CDC42BPA: variants seen among roughly 807,000 people sequenced by gnomAD.
CDC42BPA encodes CDC42 binding protein kinase alpha.
CDC42BPA carries 80 observed loss-of-function variants against 223.5 expected under a neutral mutation model. The observed-to-expected ratio is 0.36, with a 90% confidence interval of 0.30 to 0.43. CDC42BPA has a LOEUF of 0.43. Ranked by LOEUF, CDC42BPA falls within the 20% of genes least tolerant of loss-of-function variation. The probability of loss-of-function intolerance (pLI) is 1.00; values close to 1 mark genes in which losing one functional copy is unlikely to be tolerated. For synonymous variants in CDC42BPA, 694 were observed against 718.6 expected (o/e 0.97, Z 0.55); for missense variants, 1,743 against 2,099.9 (o/e 0.83, Z 3.32).
At chr1:227,212,105 TA>T (rs1269746469) in intron 3 of CDC42BPA, among the ~76,000 whole-genome samples, 27 of 146,800 alleles carry the variant, frequency 1.8e-4, no homozygotes, top group South Asian at 2.2e-4. Context: ...TTTTTTAGTT[TA>T]AAAAAAAAAA....
intron 17 of CDC42BPA, among the ~76,000 whole-genome samples, chr1:227,075,950 T>A (rs1161927368): frequency 6.6e-6 from 1 of 152,334 alleles, no homozygotes; most frequent in African/African-American, 2.4e-5. Flanking sequence ...GAATTTTATA[T>A]GACAATCTCT....
chr1:227,139,441 G>C, intron 10 of CDC42BPA, 135 bp downstream of exon 10: 2 of 560,216 alleles, frequency 3.6e-6, no homozygotes, highest in South Asian at 5.8e-5. Flanking sequence ...GCTGTGTTCT[G>C]CATACATCTC....
chr1:227,068,224 A>C (rs1006052155), intron 21 of CDC42BPA, among the ~76,000 whole-genome samples: 2 of 151,828 alleles, frequency 1.3e-5, no homozygotes, highest in Non-Finnish European at 2.9e-5. Context: ...GAAATTAATT[A>C]AAAGTAATTT....
intron 2 of CDC42BPA, among the ~76,000 whole-genome samples, chr1:227,241,391 G>A (rs1489350829): frequency 2.0e-5 from 3 of 152,012 alleles, no homozygotes; most frequent in African/African-American, 7.2e-5. Context: ...ACCTGTAGGA[G>A]AATATTCATA....
chr1:227,041,296 C>T (rs191683928), intron 23 of CDC42BPA, among the ~76,000 whole-genome samples: 2 of 152,210 alleles, frequency 1.3e-5, no homozygotes, highest in African/African-American at 2.4e-5. Context: ...TGGCACCCCT[C>T]CCTCCTTCCC....
At chr1:227,132,950 A>C (rs1657545085) in intron 10 of CDC42BPA, among the ~76,000 whole-genome samples, 1 of 141,356 alleles carries the variant, frequency 7.1e-6, no homozygotes, top group African/African-American at 2.7e-5. Context: ...GCCCTGTCTG[A>C]GAAGTGAGGA....
chr1:227,312,397 ATT>A, intron 1 of CDC42BPA, among the ~76,000 whole-genome samples: 1 of 152,232 alleles, frequency 6.6e-6, no homozygotes, highest in African/African-American at 2.4e-5. Flanking sequence ...AGTCCTAGGA[ATT>A]ATGGGACATT....
chr1:227,113,465 A>G (rs1687260063), intron 12 of CDC42BPA, among the ~76,000 whole-genome samples: 1 of 152,220 alleles, frequency 6.6e-6, no homozygotes, highest in Non-Finnish European at 1.5e-5. Context: ...CATATTAAGA[A>G]CAAACAAGAA....
At chr1:227,129,862 C>T (rs1228167658) in intron 10 of CDC42BPA, among the ~76,000 whole-genome samples, 3 of 151,720 alleles carry the variant, frequency 2.0e-5, no homozygotes, top group African/African-American at 7.3e-5. Flanking sequence ...AGATGCTATA[C>T]GAAGAACTGA....
chr1:227,302,376 C>A (rs2148743487), intron 1 of CDC42BPA, among the ~76,000 whole-genome samples: 1 of 152,270 alleles, frequency 6.6e-6, no homozygotes. Context: ...CTTATCCCGC[C>A]CTCATACTTA....
intron 14 of CDC42BPA, among the ~76,000 whole-genome samples, chr1:227,106,532 G>A (rs1382790679): frequency 6.6e-6 from 1 of 151,922 alleles, no homozygotes; most frequent in African/African-American, 2.4e-5. Context: ...TTTTTTGTCT[G>A]GCTCTGGTAT....
intron 34 of CDC42BPA, among the ~76,000 whole-genome samples, chr1:227,009,402 GA>G (rs1395031632): frequency 1.3e-5 from 2 of 151,970 alleles, no homozygotes; most frequent in East Asian, 1.9e-4. Flanking sequence ...TCTTTTATAT[GA>G]AAAGTTATTA....
intron 28 of CDC42BPA, 36 bp downstream of exon 28, chr1:227,031,262 A>AATG (rs770615346): frequency 1.3e-6 from 2 of 1,513,922 alleles, no homozygotes; most frequent in Non-Finnish European, 1.8e-6. Flanking sequence ...ATTAGTAAAC[A>AATG]ATGATAATAA....
At chr1:227,043,219 C>T (rs1671745142) in intron 23 of CDC42BPA, among the ~76,000 whole-genome samples, 1 of 152,046 alleles carries the variant, frequency 6.6e-6, no homozygotes, top group Admixed American at 6.6e-5. Context: ...TCGAGACCAT[C>T]CCAGCCAACA....
chr1:227,240,198 C>G (rs990783752), intron 2 of CDC42BPA, among the ~76,000 whole-genome samples: 1 of 151,880 alleles, frequency 6.6e-6, no homozygotes, highest in African/African-American at 2.4e-5. Flanking sequence ...AACTTAAATA[C>G]TTAGGAATAA....
At chr1:227,202,109 A>C (rs12408913) in intron 3 of CDC42BPA, among the ~76,000 whole-genome samples, 14,946 of 152,134 alleles carry the variant, frequency 0.098, 869 homozygotes, top group Middle Eastern at 0.17. Context: ...TAGCCTCCTG[A>C]GTAGCTGGGA....
intron 23 of CDC42BPA, among the ~76,000 whole-genome samples, chr1:227,046,026 G>C (rs902730469): frequency 2.6e-5 from 4 of 151,960 alleles, no homozygotes; most frequent in Non-Finnish European, 2.9e-5. Context: ...GGTAGGTCTC[G>C]AACTCCTGGG....
chr1:227,151,075 T>C (rs1661663274), intron 6 of CDC42BPA, among the ~76,000 whole-genome samples: 3 of 152,258 alleles, frequency 2.0e-5, no homozygotes, highest in African/African-American at 7.2e-5. Context: ...CTTCACACTG[T>C]TGTGCAACCA....
At chr1:227,233,254 G>T (rs1248046352) in intron 2 of CDC42BPA, among the ~76,000 whole-genome samples, 1 of 152,118 alleles carries the variant, frequency 6.6e-6, no homozygotes, top group Admixed American at 6.5e-5. Flanking sequence ...GGCCAGGATG[G>T]TCTCAATCTC....
Sources: allele counts gnomAD v4.1 joint callset (sites outside exome capture counted in the v4.1 genomes callset), GRCh38; gene constraint gnomAD v4.1.1; transcripts MANE v1.5; gene names NCBI Gene and HGNC (gene_info 2026-07-23, HGNC 2026-07-21).